CFAP221: variants seen among roughly 807,000 people sequenced by gnomAD.
CFAP221 encodes the protein cilia- and flagella-associated protein 221.
A neutral mutation model predicts 113.1 loss-of-function variants in CFAP221; 97 were observed. That is an observed-to-expected ratio of 0.86 (90% confidence interval 0.73 to 1.02). CFAP221 has a LOEUF of 1.02. Among genes scored for constraint, CFAP221 ranks in the 50% least tolerant of loss-of-function variants. The pLI, the probability that CFAP221 is intolerant of heterozygous loss-of-function variation, is 0.00. For synonymous variants in CFAP221, 331 were observed against 354.4 expected (o/e 0.93, Z 0.74); for missense variants, 1,025 against 1,013.4 (o/e 1.01, Z -0.16).
chr2:119,613,427 C>T (rs556206750), intron 13 of CFAP221, among the ~76,000 whole-genome samples: 2 of 152,366 alleles, frequency 1.3e-5, no homozygotes, highest in South Asian at 4.1e-4. Flanking sequence ...CAACAAACTT[C>T]TGCCTGCACA....
intron 11 of CFAP221, among the ~76,000 whole-genome samples, chr2:119,607,670 C>T (rs1247403200): frequency 6.6e-6 from 1 of 152,132 alleles, no homozygotes. Flanking sequence ...ACTCCCCACT[C>T]CCCACCCCCT....
chr2:119,561,993 A>T (rs1180639978), intron 5 of CFAP221, 21 bp from the exon 6 acceptor site: 2 of 1,488,846 alleles, frequency 1.3e-6, no homozygotes, highest in Non-Finnish European at 1.8e-6. Context: ...GTTAAACTTG[A>T]CTTTTTCTGG....
Position 119,638,268 on chromosome 2 carries a change from C to A in CFAP221, c.1984C>A (p.Pro662Thr). 1 of 1,614,060 alleles carries A rather than the reference C, an allele frequency of 6.2e-7. No homozygotes were observed. Among genetic ancestry groups the A allele is most frequent in the Non-Finnish European group, 8.5e-7 (1 of 1,179,952 alleles). Reference sequence around the variant, plus strand: ...TCCCTGTCTTCGGCAGAATCCCAACCCAGGATTATTTGCTGTAATGCATCC... The same window carrying A: ...TCCCTGTCTTCGGCAGAATCCCAACACAGGATTATTTGCTGTAATGCATCC... ...YDPLYVFNPN[P>T]GLFAVMHPLT... Residue 662 changes from proline (P) to threonine (T), a missense_variant, in exon 20 of 24, where the codon CCA (proline) becomes ACA (threonine). Transcript: ENST00000413369.
chr2:119,556,852 C>G (rs1045962725), intron 3 of CFAP221, among the ~76,000 whole-genome samples: 30 of 152,150 alleles, frequency 2.0e-4, no homozygotes, highest in Admixed American at 1.0e-3. Context: ...GTGCCCAGCC[C>G]TCCTATTGCA....
chr2:119,648,032 C>G (rs1687918337), intron 22 of CFAP221, among the ~76,000 whole-genome samples: 1 of 152,198 alleles, frequency 6.6e-6, no homozygotes, highest in African/African-American at 2.4e-5. Flanking sequence ...GCCCCAATGT[C>G]CTCATTTTCA....
chr2:119,562,228 A>ATG, intron 6 of CFAP221, 114 bp downstream of exon 6: 2 of 501,490 alleles, frequency 4.0e-6, no homozygotes, highest in East Asian at 4.8e-5. Flanking sequence ...CACCTGAAAT[A>ATG]GACTGGACTT....
chr2:119,572,861 A>T (rs1682166466), intron 6 of CFAP221: 1 of 367,360 alleles, frequency 2.7e-6, no homozygotes. Context: ...GGGCCACATT[A>T]ACAACATTCA....
At chr2:119,577,616 G>A (rs920337978) in intron 6 of CFAP221, among the ~76,000 whole-genome samples, 11 of 152,084 alleles carry the variant, frequency 7.2e-5, no homozygotes, top group African/African-American at 2.7e-4. Context: ...TGTGACCTTG[G>A]ACCTCTCTAT....
chr2:119,556,418 T>A (rs1271872742), intron 3 of CFAP221, among the ~76,000 whole-genome samples: 2 of 152,226 alleles, frequency 1.3e-5, no homozygotes, highest in East Asian at 3.8e-4. Flanking sequence ...AATGAACAAT[T>A]CCAGTTCAAG....
chr2:119,564,672 G>A (rs985268514), intron 6 of CFAP221, among the ~76,000 whole-genome samples: 2 of 152,132 alleles, frequency 1.3e-5, no homozygotes, highest in African/African-American at 4.8e-5. Flanking sequence ...TCAACATTAT[G>A]TTTTTGCGGT....
chr2:119,551,181 T>G (rs1370173223), intron 3 of CFAP221, among the ~76,000 whole-genome samples: 2 of 152,232 alleles, frequency 1.3e-5, no homozygotes, highest in Admixed American at 6.5e-5. Context: ...TGTTTCCACA[T>G]TGGGGCTATC....
intron 6 of CFAP221, among the ~76,000 whole-genome samples, chr2:119,581,608 G>A (rs1205236547): frequency 6.6e-6 from 1 of 152,198 alleles, no homozygotes; most frequent in Non-Finnish European, 1.5e-5. Context: ...AGATATATGT[G>A]TCTAATAAAT....
At chr2:119,650,138 T>C (rs1688041133) in intron 22 of CFAP221, among the ~76,000 whole-genome samples, 1 of 152,204 alleles carries the variant, frequency 6.6e-6, no homozygotes, top group Non-Finnish European at 1.5e-5. Context: ...AAAATAAGTA[T>C]TTGTTGATTA....
At chr2:119,651,914 T>G (rs1391045825) in intron 22 of CFAP221, 60 bp from the exon 23 acceptor site, 1 of 1,305,780 alleles carries the variant, frequency 7.7e-7, no homozygotes, top group East Asian at 2.4e-5. Flanking sequence ...CAATATTTCA[T>G]TCCTATTTTT....
At chr2:119,564,375 C>G (rs1681474509) in intron 6 of CFAP221, among the ~76,000 whole-genome samples, 1 of 152,088 alleles carries the variant, frequency 6.6e-6, no homozygotes, top group Non-Finnish European at 1.5e-5. Context: ...TTAAAAAGCT[C>G]TTTAAAAATT....
intron 19 of CFAP221, among the ~76,000 whole-genome samples, chr2:119,635,495 C>T (rs1384049012): frequency 6.6e-6 from 1 of 151,924 alleles, no homozygotes; most frequent in East Asian, 1.9e-4. Context: ...AGATTGGTGG[C>T]TGCCTGTGGA....
At chr2:119,549,238 G>A (rs560355458) in intron 3 of CFAP221, 53 bp downstream of exon 3, 25 of 1,342,012 alleles carry the variant, frequency 1.9e-5, no homozygotes, top group African/African-American at 2.9e-5. Flanking sequence ...TGACAAAAAT[G>A]TTCTGAATTT....
chr2:119,655,611 C>G (rs538542277), intron 23 of CFAP221, among the ~76,000 whole-genome samples: 1 of 152,236 alleles, frequency 6.6e-6, no homozygotes, highest in African/African-American at 2.4e-5. Context: ...AGACATATGG[C>G]CTTTTAACCA....
At chr2:119,590,302 T>C (rs1683510494) in intron 7 of CFAP221, 1 of 152,252 alleles carries the variant, frequency 6.6e-6, no homozygotes, top group Non-Finnish European at 1.5e-5. Flanking sequence ...TACAACTTTA[T>C]ATCAGTTTGG....
Sources: gnomAD v4.1 joint callset for allele counts (sites outside exome capture counted in the v4.1 genomes callset) on GRCh38, gnomAD v4.1.1 for gene constraint, MANE v1.5 for transcripts, NCBI Gene and HGNC (gene_info 2026-07-23, HGNC 2026-07-21) for gene names.